Variants in ZRANB3 observed in about 807,000 individuals in gnomAD.
ZRANB3 encodes the protein DNA annealing helicase and endonuclease ZRANB3.
In ZRANB3, 125 loss-of-function variants were observed where a neutral mutation model predicts 133.8. The ratio of observed to expected loss-of-function variants is 0.93; its 90% CI spans 0.81 to 1.08. The LOEUF (loss-of-function observed/expected upper bound fraction) is 1.08, where lower values mean the gene tolerates loss of function less well. Among genes scored for constraint, ZRANB3 ranks in the 50% least tolerant of loss-of-function variants. The pLI is 0.00. For missense variants in ZRANB3, 1,229 were observed against 1,275.5 expected, an observed-to-expected ratio of 0.96 and a Z score of 0.56; for synonymous variants, 387 against 432.7, an observed-to-expected ratio of 0.89 and a Z score of 1.31.
chr2:135,315,728 AG>A (rs1402574569), intron 6 of ZRANB3, among the ~76,000 whole-genome samples, 198 bp from the exon 7 acceptor site: 1 of 152,234 alleles, frequency 6.6e-6, no homozygotes, highest in Non-Finnish European at 1.5e-5. Context: ...AAACTAGAGA[AG>A]ATGTTAGTGT....
chr2:135,216,087 CTTT>C (rs201151682), intron 17 of ZRANB3, among the ~76,000 whole-genome samples: 181 of 145,712 alleles, frequency 1.2e-3, no homozygotes, highest in African/African-American at 4.0e-3. Context: ...GTCTCCATCC[CTTT>C]TTTTTTTTTT....
intron 3 of ZRANB3, among the ~76,000 whole-genome samples, chr2:135,364,004 A>G (rs1193373878): frequency 2.0e-5 from 3 of 152,060 alleles, no homozygotes; most frequent in Non-Finnish European, 4.4e-5. Context: ...TGAGGCCAGG[A>G]CACTGCACTT....
chr2:135,410,600 C>G (rs1688259879), intron 2 of ZRANB3, among the ~76,000 whole-genome samples: 1 of 151,964 alleles, frequency 6.6e-6, no homozygotes, highest in Non-Finnish European at 1.5e-5. Flanking sequence ...ATTAAGACCT[C>G]AAGAGTAAAT....
chr2:135,203,697 T>C (rs1037605791), intron 19 of ZRANB3, among the ~76,000 whole-genome samples: 1 of 152,170 alleles, frequency 6.6e-6, no homozygotes, highest in South Asian at 2.1e-4. Context: ...TAAATGCTTT[T>C]GTCACTATAC....
chr2:135,486,335 T>C (rs1692119542), intron 2 of ZRANB3, among the ~76,000 whole-genome samples: 1 of 152,218 alleles, frequency 6.6e-6, no homozygotes, highest in Admixed American at 6.5e-5. Flanking sequence ...GCTCACAGCA[T>C]CTTCACCAAG....
intron 8 of ZRANB3, among the ~76,000 whole-genome samples, chr2:135,285,655 G>A (rs1681321650): frequency 1.3e-5 from 2 of 152,244 alleles, no homozygotes; most frequent in Non-Finnish European, 2.9e-5. Flanking sequence ...AAGGAATGCT[G>A]CCATCCCTCT....
Position 135,200,329 on chromosome 2 carries a change from A to G in ZRANB3, c.*13T>C, listed in dbSNP as rs1439048569. 12 of 1,566,618 alleles carry G rather than the reference A, an allele frequency of 7.7e-6. No homozygotes were observed. Among genetic ancestry groups the G allele is most frequent in the African/African-American group, 1.3e-5 (1 of 74,196 alleles). On this transcript the variant is annotated 3_prime_UTR_variant, in exon 21 of 21. Coordinates refer to ENST00000264159, the MANE Select transcript of ZRANB3 (RefSeq NM_032143.4). ...TGTAAACCATTTGTCATTCATTCAT[A>G]TATTTTTCTACTTTACTTCTTTACC...
chr2:135,441,189 C>G (rs1049598868), intron 2 of ZRANB3, among the ~76,000 whole-genome samples: 7 of 152,184 alleles, frequency 4.6e-5, no homozygotes, highest in Middle Eastern at 3.4e-3. Flanking sequence ...CAGGGTCAAA[C>G]TGTTTAAAGA....
intron 3 of ZRANB3, among the ~76,000 whole-genome samples, chr2:135,378,551 T>G (rs1686533105): frequency 6.6e-6 from 1 of 151,726 alleles, no homozygotes; most frequent in East Asian, 1.9e-4. Flanking sequence ...GTATGGGCTG[T>G]GAATAGTTAC....
chr2:135,426,496 A>G (rs1689074057), intron 2 of ZRANB3, among the ~76,000 whole-genome samples: 1 of 152,096 alleles, frequency 6.6e-6, no homozygotes, highest in African/African-American at 2.4e-5. Flanking sequence ...ATCTACCATG[A>G]TCAAGTAGGC....
At chr2:135,335,968 C>G (rs1273281141) in intron 6 of ZRANB3, among the ~76,000 whole-genome samples, 3 of 152,098 alleles carry the variant, frequency 2.0e-5, no homozygotes, top group Middle Eastern at 3.2e-3. Flanking sequence ...TATAAAATGA[C>G]AGAGGGGAAC....
chr2:135,497,721 GATCAAGTAGAC>G (rs1692740716), intron 2 of ZRANB3, among the ~76,000 whole-genome samples: 1 of 152,072 alleles, frequency 6.6e-6, no homozygotes, highest in South Asian at 2.1e-4. Context: ...AATTGTGCTG[GATCAAGTAGAC>G]ATTCATATGT....
intron 8 of ZRANB3, among the ~76,000 whole-genome samples, chr2:135,298,875 T>C (rs1682291111): frequency 6.6e-6 from 1 of 152,188 alleles, no homozygotes; most frequent in Non-Finnish European, 1.5e-5. Flanking sequence ...GCAGTGGGAT[T>C]ACCTGTTGTT....
At chr2:135,370,085 C>G (rs1403294135) in intron 3 of ZRANB3, among the ~76,000 whole-genome samples, 1 of 146,554 alleles carries the variant, frequency 6.8e-6, no homozygotes, top group Non-Finnish European at 1.5e-5. Context: ...TATACACATA[C>G]AGATAAATAG....
chr2:135,509,399 A>C (rs1238246930), intron 1 of ZRANB3, among the ~76,000 whole-genome samples: 1 of 152,202 alleles, frequency 6.6e-6, no homozygotes, highest in African/African-American at 2.4e-5. Context: ...GAAGACATAC[A>C]AGGTGATAAA....
chr2:135,281,196 C>T (rs1282854772), intron 8 of ZRANB3, among the ~76,000 whole-genome samples: 1 of 152,186 alleles, frequency 6.6e-6, no homozygotes, highest in East Asian at 1.9e-4. Flanking sequence ...GTCTTCCCTA[C>T]TGTTTTAACA....
chr2:135,377,508 C>A (rs1043477299), intron 3 of ZRANB3, among the ~76,000 whole-genome samples: 1 of 152,050 alleles, frequency 6.6e-6, no homozygotes, highest in African/African-American at 2.4e-5. Context: ...AGAAAATGCT[C>A]AAAAACCCAA....
chr2:135,421,653 C>G (rs1048860470), intron 2 of ZRANB3, among the ~76,000 whole-genome samples: 4 of 152,136 alleles, frequency 2.6e-5, no homozygotes, highest in African/African-American at 4.8e-5. Flanking sequence ...AAATTCCTCT[C>G]TGACTACTCT....
intron 8 of ZRANB3, among the ~76,000 whole-genome samples, chr2:135,297,813 G>GT (rs1682220810): frequency 6.6e-6 from 1 of 152,170 alleles, no homozygotes; most frequent in Non-Finnish European, 1.5e-5. Flanking sequence ...TTATATTGTT[G>GT]TAAGTTTACA....
Sources: gnomAD v4.1 joint callset for allele counts (sites outside exome capture counted in the v4.1 genomes callset) on GRCh38, gnomAD v4.1.1 for gene constraint, MANE v1.5 for transcripts, NCBI Gene and HGNC (gene_info 2026-07-23, HGNC 2026-07-21) for gene names.